The following NTRK3 variants were observed in gnomAD, a reference collection of about 807,000 sequenced individuals.
NTRK3 encodes the protein NT-3 growth factor receptor.
In NTRK3, 24 loss-of-function variants were observed where a neutral mutation model predicts 91.7. The ratio of observed to expected loss-of-function variants is 0.26; its 90% CI spans 0.19 to 0.37. The LOEUF (loss-of-function observed/expected upper bound fraction) is 0.37, where lower values mean the gene tolerates loss of function less well. Ranked by LOEUF, NTRK3 falls within the 10% of genes least tolerant of loss-of-function variation. The pLI is 1.00. For synonymous variants in NTRK3, 483 were observed against 404.0 expected, an observed-to-expected ratio of 1.20 and a Z score of -2.34; for missense variants, 880 against 1,068.9, an observed-to-expected ratio of 0.82 and a Z score of 2.46.
chr15:88,215,971 C>G (rs1478279901), intron 3 of NTRK3, among the ~76,000 whole-genome samples: 1 of 152,184 alleles, frequency 6.6e-6, no homozygotes, highest in Non-Finnish European at 1.5e-5. Context: ...AGGGTCTCTG[C>G]TTTTAAACTC....
chr15:88,185,474 T>G (rs935783092), intron 3 of NTRK3, among the ~76,000 whole-genome samples: 11 of 152,122 alleles, frequency 7.2e-5, no homozygotes, highest in African/African-American at 2.7e-4. Context: ...CACTATTAAT[T>G]ATCAAAGCCC....
Position 88,126,411 on chromosome 15 carries a change from C to T in NTRK3, c.1294-38G>A, listed in dbSNP as rs200157273. On this transcript the variant is annotated intron_variant, in intron 12 of 18. Coordinates refer to ENST00000394480, the Ensembl canonical transcript of NTRK3. ...AGAAACAGAGAGTCAGCAACAATCA[C>T]AGAAAACCCAATTTCCTTGAAAATA... 6 of 1,408,162 alleles carry T rather than the reference C, an allele frequency of 4.3e-6. No homozygotes were observed. In the African/African-American group the frequency reaches 8.5e-5, roughly 20 times the overall value. 87.2% of individuals were successfully genotyped at this position (1,408,162 alleles called of 1,614,324 possible).
chr15:87,886,697 T>TATATATATATATATATATATATATAA (rs1335887821), intron 17 of NTRK3, among the ~76,000 whole-genome samples: 1 of 135,882 alleles, frequency 7.4e-6, no homozygotes, highest in African/African-American at 2.9e-5. Context: ...TATATATATA[T>TATATATATATATATATATATATATAA]ATACATATAT....
chr15:87,943,952 T>C (rs2070165220), intron 14 of NTRK3, among the ~76,000 whole-genome samples: 1 of 152,106 alleles, frequency 6.6e-6, no homozygotes, highest in African/African-American at 2.4e-5. Context: ...CCAAAGTGTC[T>C]TCCCCAAATG....
At chr15:87,964,185 A>G (rs908168259) in intron 14 of NTRK3, among the ~76,000 whole-genome samples, 3 of 152,190 alleles carry the variant, frequency 2.0e-5, no homozygotes, top group Admixed American at 1.3e-4. Context: ...GATATAATTC[A>G]TAAGGACACT....
At chr15:88,137,302 C>T (rs1281694700) in intron 7 of NTRK3, 102 bp downstream of exon 7, 26 of 1,412,958 alleles carry the variant, frequency 1.8e-5, no homozygotes, top group East Asian at 1.4e-4. Flanking sequence ...GAGGGCGTTT[C>T]GAAAGGAAGG....
chr15:87,869,433 G>A lies in NTRK3; in HGVS notation c.*7502C>T, dbSNP rs1412379610. 2.2e-5 allele frequency: 5 copies of A among 223,904 alleles called. No individual in the cohort carries two copies. In the East Asian group the frequency reaches 2.6e-4, roughly 12 times the overall value. 13.9% of individuals were successfully genotyped at this position (223,904 alleles called of 1,614,324 possible). On this transcript the variant is annotated 3_prime_UTR_variant, in exon 19 of 19. Transcript: ENST00000394480. ...CTGACAGCACTGAAATTACTCCAGGGCAGGGCTTCTTCAGAAGTCTTAATA... is the reference window on the plus strand; with the variant it reads ...CTGACAGCACTGAAATTACTCCAGGACAGGGCTTCTTCAGAAGTCTTAATA...
chr15:88,202,017 A>G (rs924017956), intron 3 of NTRK3, among the ~76,000 whole-genome samples: 5 of 152,094 alleles, frequency 3.3e-5, no homozygotes, highest in Non-Finnish European at 7.4e-5. Context: ...CCTAAAAAAA[A>G]AAGACTACAT....
At chr15:88,227,509 T>C (rs1649201288) in intron 3 of NTRK3, among the ~76,000 whole-genome samples, 3 of 151,980 alleles carry the variant, frequency 2.0e-5, no homozygotes, top group South Asian at 4.2e-4. Flanking sequence ...ACCGGGGACA[T>C]GTGCACACAG....
chr15:88,044,254 C>CTTTTTTTTTT (rs1181028004), intron 13 of NTRK3, among the ~76,000 whole-genome samples: 16 of 78,486 alleles, frequency 2.0e-4, no homozygotes, highest in Admixed American at 3.5e-4. Context: ...AGTCTATGTT[C>CTTTTTTTTTT]TTTTTTTTTT....
At chr15:87,978,206 G>GA (rs1485780637) in intron 14 of NTRK3, 1 of 230,338 alleles carries the variant, frequency 4.3e-6, no homozygotes, top group Non-Finnish European at 8.6e-6. Flanking sequence ...GGATCAAGTT[G>GA]AAAATGGGGG....
intron 3 of NTRK3, among the ~76,000 whole-genome samples, chr15:88,220,933 T>C (rs2050183121): frequency 6.6e-6 from 1 of 152,174 alleles, no homozygotes; most frequent in Non-Finnish European, 1.5e-5. Flanking sequence ...GTCTCAAAAA[T>C]GCTGATTCTT....
chr15:88,018,975 G>T (rs1035354324), intron 14 of NTRK3, among the ~76,000 whole-genome samples: 1 of 151,690 alleles, frequency 6.6e-6, no homozygotes, highest in Non-Finnish European at 1.5e-5. Context: ...CAAAAGCTAT[G>T]CTCCCAAAGG....
Position 88,068,554 on chromosome 15 carries a change from C to T in NTRK3, c.1397-35509G>A, listed in dbSNP as rs1463987156. Among the ~76,000 whole-genome samples, 41 of 152,212 alleles carry T rather than the reference C, an allele frequency of 2.7e-4. 1 individual carries two copies. The highest frequency in any genetic ancestry group is 2.6e-3 in the Admixed American group (40 of 15,284). ...AAAGCATGCAAGATATTAACTGAGA[C>T]TTTAAAAGCCAAGATATAGGGCTCA... On this transcript the variant is annotated intron_variant, in intron 13 of 18. Coordinates refer to ENST00000394480, the Ensembl canonical transcript of NTRK3.
At chr15:87,987,274 A>G (rs1239939369) in intron 14 of NTRK3, among the ~76,000 whole-genome samples, 3 of 152,184 alleles carry the variant, frequency 2.0e-5, no homozygotes, top group South Asian at 4.1e-4. Context: ...TAATCACTAA[A>G]TGGATGAACT....
chr15:87,981,154 G>A (rs2074227952), intron 14 of NTRK3: 2 of 1,550,252 alleles, frequency 1.3e-6, no homozygotes, highest in Non-Finnish European at 1.7e-6. Context: ...TGAGTCTTAA[G>A]GTCTTAAGAA....
chr15:88,075,029 T>A (rs915102657), intron 13 of NTRK3, among the ~76,000 whole-genome samples: 1 of 152,210 alleles, frequency 6.6e-6, no homozygotes, highest in African/African-American at 2.4e-5. Context: ...TCCAGGGGGT[T>A]GTTCTAACTA....
In NTRK3 at chr15:87,955,812, A is replaced by G. The variant is rs188058166; in HGVS notation, c.1586-15059T>C. 2.4e-4 allele frequency among the ~76,000 whole-genome samples: 37 copies of G among 152,292 alleles called. 1 individual carries two copies. The East Asian group carries it at 6.4e-3, about 26-fold the overall frequency. ...CCAAGGTGCCAACCAGGGCTCTCCC[A>G]CTTATTTGCTGAGGGGTCACATGTT... is the stretch of plus-strand genomic sequence containing the variant. On this transcript the variant is annotated intron_variant, in intron 14 of 18. Transcript: ENST00000394480.
intron 10 of NTRK3, among the ~76,000 whole-genome samples, chr15:88,131,729 C>T (rs2041371377): frequency 1.3e-5 from 2 of 152,262 alleles, no homozygotes; most frequent in Admixed American, 1.3e-4. Flanking sequence ...ATCTCCAAAT[C>T]AGCCTATGAG....
Sources: gnomAD v4.1 joint callset for allele counts (sites outside exome capture counted in the v4.1 genomes callset) on GRCh38, gnomAD v4.1.1 for gene constraint, MANE v1.5 for transcripts, NCBI Gene and HGNC (gene_info 2026-07-23, HGNC 2026-07-21) for gene names.